Variants in NEK7 observed in about 807,000 individuals in gnomAD.
NEK7 encodes the protein NIMA related kinase 7.
A neutral mutation model predicts 44.6 loss-of-function variants in NEK7; 18 were observed. The observed-to-expected ratio is 0.40, with a 90% confidence interval of 0.28 to 0.60. The LOEUF (loss-of-function observed/expected upper bound fraction) is 0.60. Ranked by LOEUF, NEK7 falls within the 20% of genes least tolerant of loss-of-function variation. The probability of loss-of-function intolerance (pLI) is 0.38; values close to 1 mark genes in which losing one functional copy is unlikely to be tolerated. For missense variants in NEK7, 256 were observed against 366.5 expected (o/e 0.70, Z 2.46); for synonymous variants, 130 against 121.1 (o/e 1.07, Z -0.48).
At chr1:198,219,328 TTGTG>T (rs918664997) in intron 1 of NEK7, among the ~76,000 whole-genome samples, 6 of 150,504 alleles carry the variant, frequency 4.0e-5, no homozygotes, top group East Asian at 1.9e-4. Flanking sequence ...GTGTGTATGT[TTGTG>T]TGTGTATATA....
intron 5 of NEK7, among the ~76,000 whole-genome samples, chr1:198,266,706 T>C (rs905138961): frequency 6.6e-6 from 1 of 152,080 alleles, no homozygotes; most frequent in African/African-American, 2.4e-5. Context: ...GTTATGATGG[T>C]TAAGTAATAT....
At chr1:198,219,904 C>T (rs1666036183) in intron 1 of NEK7, among the ~76,000 whole-genome samples, 2 of 125,058 alleles carry the variant, frequency 1.6e-5, no homozygotes, top group Non-Finnish European at 3.1e-5. Context: ...ACTCTTTTTC[C>T]CTTTGTAATT....
At chr1:198,238,202 C>G (rs956289037) in intron 2 of NEK7, among the ~76,000 whole-genome samples, 2 of 152,142 alleles carry the variant, frequency 1.3e-5, no homozygotes, top group Non-Finnish European at 2.9e-5. Flanking sequence ...TTCTCCCCCC[C>G]AGGACACTGC....
rs576666771 is a variant in NEK7, at chr1:198,166,563, G to C, written c.-29+9287G>C. 3.5e-4 allele frequency among the ~76,000 whole-genome samples: 53 copies of C among 152,270 alleles called. No individual in the cohort carries two copies. In the Middle Eastern group the frequency reaches 0.02, roughly 59 times the overall value. The stretch of plus-strand genomic sequence containing the variant: ...AAGGCCATTGTAGGGTTATTAATTG[G>C]CTTAATTTTCATTATTGTTGTGTCT... On this transcript the variant is annotated intron_variant, in intron 1 of 9. Coordinates refer to ENST00000367385, the MANE Select transcript of NEK7 (RefSeq NM_133494.3).
chr1:198,158,372 C>CCA (rs1312777193), intron 1 of NEK7, among the ~76,000 whole-genome samples: 1 of 152,108 alleles, frequency 6.6e-6, no homozygotes, highest in African/African-American at 2.4e-5. Context: ...CCTAATGTAC[C>CCA]CATCATAATG....
intron 3 of NEK7, among the ~76,000 whole-genome samples, chr1:198,258,447 A>C (rs1653348292): frequency 6.6e-6 from 1 of 152,120 alleles, no homozygotes; most frequent in Admixed American, 6.5e-5. Context: ...AAAAAGAAAA[A>C]CAACAACAAC....
In NEK7 at chr1:198,322,048, T is replaced by G. The variant is rs1655548481; in HGVS notation, c.*2526T>G. ...TCAACAATGTGCAATGATTGTAAAT[T>G]TAGTAAGATATTACAGCCATTTCAT... On this transcript the variant is annotated 3_prime_UTR_variant, in exon 10 of 10. Transcript: ENST00000367385. The G allele has an allele frequency of 6.6e-6, 1 of 152,142 alleles. No homozygotes were observed. The highest frequency in any genetic ancestry group is 2.4e-5 in the African/African-American group (1 of 41,446). 9.4% of individuals were successfully genotyped at this position (152,142 alleles called of 1,614,324 possible).
chr1:198,288,498 G>A (rs1002768736), intron 7 of NEK7, among the ~76,000 whole-genome samples: 3 of 152,144 alleles, frequency 2.0e-5, no homozygotes, highest in African/African-American at 7.2e-5. Context: ...GTATTTCACA[G>A]TGGTCAGTTA....
chr1:198,244,478 A>G (rs1279009283), intron 2 of NEK7, among the ~76,000 whole-genome samples: 1 of 152,158 alleles, frequency 6.6e-6, no homozygotes, highest in African/African-American at 2.4e-5. Flanking sequence ...ACCTGTGAAA[A>G]TATGAACCCG....
chr1:198,218,778 A>G (rs1378617762), intron 1 of NEK7, among the ~76,000 whole-genome samples: 1 of 151,998 alleles, frequency 6.6e-6, no homozygotes, highest in Non-Finnish European at 1.5e-5. Context: ...AAAAGAAGAT[A>G]TACAAGTGGC....
intron 4 of NEK7, 35 bp from the exon 5 acceptor site, chr1:198,264,090 A>C: frequency 1.9e-6 from 3 of 1,564,020 alleles, no homozygotes; most frequent in Non-Finnish European, 2.6e-6. Context: ...TATTTACAGT[A>C]AGAAAACTTT....
At chr1:198,276,550 CTT>C (rs1490716618) in intron 5 of NEK7, among the ~76,000 whole-genome samples, 1 of 151,660 alleles carries the variant, frequency 6.6e-6, no homozygotes, top group East Asian at 1.9e-4. Context: ...ATTAAAAAGA[CTT>C]AGTATTGAAA....
chr1:198,187,364 T>A (rs976362385), intron 1 of NEK7, among the ~76,000 whole-genome samples: 1 of 152,124 alleles, frequency 6.6e-6, no homozygotes, highest in African/African-American at 2.4e-5. Context: ...TCATCAGGAT[T>A]AATGAACCAC....
At chr1:198,232,113 A>T (rs1011342891) in intron 1 of NEK7, among the ~76,000 whole-genome samples, 1 of 152,154 alleles carries the variant, frequency 6.6e-6, no homozygotes, top group Non-Finnish European at 1.5e-5. Context: ...GTTTAAATTT[A>T]AAAAATCACA....
chr1:198,242,313 G>A (rs115991516), intron 2 of NEK7, among the ~76,000 whole-genome samples: 1,690 of 151,914 alleles, frequency 0.011, 20 homozygotes, highest in Middle Eastern at 0.041. Flanking sequence ...GTGCTACCTT[G>A]CTGAAAACCC....
chr1:198,181,322 T>G lies in NEK7; in HGVS notation c.-29+24046T>G, dbSNP rs577047123. On this transcript the variant is annotated intron_variant, in intron 1 of 9. Transcript: ENST00000367385. ...ATGAAGATTCTTCAGTAAGGGTGTC[T>G]TAGGAGTTAATCATGCATTACTAGT... is the stretch of plus-strand genomic sequence containing the variant. Among the ~76,000 whole-genome samples, 131 of 152,222 alleles carry G rather than the reference T, an allele frequency of 8.6e-4. 1 individual carries two copies. The highest frequency in any genetic ancestry group is 3.4e-3 in the Middle Eastern group (1 of 294).
At chr1:198,218,438 T>C (rs534358772) in intron 1 of NEK7, among the ~76,000 whole-genome samples, 1 of 152,016 alleles carries the variant, frequency 6.6e-6, no homozygotes, top group African/African-American at 2.4e-5. Context: ...GATTAAAGAT[T>C]TAAATCCAAG....
At position 198,173,813 on chromosome 1, in the gene NEK7, A is replaced by G. The variant is rs1479584926; in HGVS notation, c.-29+16537A>G. 2.6e-5 allele frequency among the ~76,000 whole-genome samples: 4 copies of G among 152,204 alleles called. No homozygotes were observed. In the East Asian group the frequency reaches 7.7e-4, roughly 29 times the overall value. On this transcript the variant is annotated intron_variant, in intron 1 of 9. Coordinates refer to ENST00000367385, the MANE Select transcript of NEK7 (RefSeq NM_133494.3). Reference sequence around the variant, plus strand: ...ACTTTATAATTAAAGTTTTTTTTATAGAACATCGTAGATAGCTTTATCAGC... The same window carrying G: ...ACTTTATAATTAAAGTTTTTTTTATGGAACATCGTAGATAGCTTTATCAGC...
intron 7 of NEK7, among the ~76,000 whole-genome samples, chr1:198,290,326 C>A (rs1031030059): frequency 6.6e-6 from 1 of 152,132 alleles, no homozygotes; most frequent in Non-Finnish European, 1.5e-5. Flanking sequence ...CAACAGTAAT[C>A]GTAGACACAG....
Sources: allele counts gnomAD v4.1 joint callset (sites outside exome capture counted in the v4.1 genomes callset), GRCh38; gene constraint gnomAD v4.1.1; transcripts MANE v1.5; gene names NCBI Gene and HGNC (gene_info 2026-07-23, HGNC 2026-07-21).